ATP5F1C: variants seen among roughly 807,000 people sequenced by gnomAD.
ATP5F1C encodes ATP synthase F1 subunit gamma.
A neutral mutation model predicts 37.4 loss-of-function variants in ATP5F1C; 22 were observed. That is an observed-to-expected ratio of 0.59 (90% CI 0.42 to 0.84). The LOEUF is 0.84. Ranked by LOEUF, ATP5F1C falls within the 40% of genes least tolerant of loss-of-function variation. ATP5F1C has a pLI of 0.00. For missense variants in ATP5F1C, 286 were observed against 362.4 expected (o/e 0.79, Z 1.71); for synonymous variants, 121 against 128.0 (o/e 0.95, Z 0.37).
intron 1 of ATP5F1C, among the ~76,000 whole-genome samples, chr10:7,789,039 G>A (rs544125347): frequency 3.4e-4 from 52 of 152,166 alleles, no homozygotes; most frequent in African/African-American, 1.3e-3. Context: ...GGTGCCACGA[G>A]CCTCGAGAAT....
In ATP5F1C at chr10:7,796,960, C is replaced by CTT. The variant is rs148189409; in HGVS notation, c.92-86_92-85dup. Reference sequence around the variant, plus strand: ...TTTATCTAAGCGCTCATTATTCTGCCTTGCACTTCAGAAAAATATGTCAAT... The same window carrying CTT: ...TTTATCTAAGCGCTCATTATTCTGCCTTTTGCACTTCAGAAAAATATGTCAAT... On this transcript the variant is annotated intron_variant, in intron 2 of 9. Coordinates refer to ENST00000356708, the MANE Select transcript of ATP5F1C (RefSeq NM_001001973.3). 1,003 of 1,431,642 alleles carry CTT rather than the reference C, an allele frequency of 7.0e-4. 8 individuals are homozygous for CTT. In the African/African-American group the frequency reaches 0.013, roughly 18 times the overall value. The allele number at this position is 1,431,642 out of a possible 1,614,324, so 88.7% of individuals were successfully genotyped here. A position where few individuals can be genotyped will look rare whatever the true frequency, so the allele number is the denominator to read the frequency against.
rs1836252277 is a variant in ATP5F1C at position 7,797,044 on chromosome 10, C to T, written c.92-3C>T. ...GTCTTAACACAGTACTTCTATTTTTCAGTCACCAGGAGACTAAAGTCCATC... is the reference window on the plus strand; with the variant it reads ...GTCTTAACACAGTACTTCTATTTTTTAGTCACCAGGAGACTAAAGTCCATC... On this transcript the variant is annotated splice_polypyrimidine_tract_variant and splice_region_variant and intron_variant, in intron 2 of 9. Coordinates refer to ENST00000356708, the MANE Select transcript of ATP5F1C (RefSeq NM_001001973.3). 3.1e-6 allele frequency: 5 copies of T among 1,612,130 alleles called. No homozygotes were observed. The highest frequency in any genetic ancestry group is 1.7e-5 in the Admixed American group (1 of 59,532).
chr10:7,804,180 C>T (rs1836428985), intron 8 of ATP5F1C: 1 of 518,896 alleles, frequency 1.9e-6, no homozygotes, highest in Non-Finnish European at 3.8e-6. Context: ...TAGCGTGTGA[C>T]CCACAGAGTG....
chr10:7,796,289 G>A (rs1489977258), intron 2 of ATP5F1C, 134 bp downstream of exon 2: 6 of 732,380 alleles, frequency 8.2e-6, no homozygotes, highest in Non-Finnish European at 1.3e-5. Context: ...TCCATTGTAT[G>A]TTTGGGACAT....
intron 8 of ATP5F1C, among the ~76,000 whole-genome samples, chr10:7,804,414 G>C (rs1836434197): frequency 6.6e-6 from 1 of 152,164 alleles, no homozygotes; most frequent in Non-Finnish European, 1.5e-5. Context: ...TCTACTTCCA[G>C]ATCTACAGAT....
rs761429190 is a variant in ATP5F1C, at chr10:7,802,293, A to G, written c.661A>G (p.Ile221Val). ...SADSMSIYDD[I>V]DADVLQNYQE... The stretch of plus-strand genomic sequence containing the variant: ...AGACAGCATGAGTATCTATGACGAT[A>G]TTGATGCTGACGTGCTGCAAAATTA... The change falls in exon 7 of 10, where the codon ATT (isoleucine) becomes GTT (valine). Residue 221 changes from isoleucine (I) to valine (V), a missense_variant. Coordinates refer to ENST00000356708, the MANE Select transcript of ATP5F1C (RefSeq NM_001001973.3). 3.1e-6 allele frequency: 5 copies of G among 1,612,930 alleles called. No individual in the cohort carries two copies. Among genetic ancestry groups the G allele is most frequent in the South Asian group, 1.1e-5 (1 of 90,836 alleles).
chr10:7,804,438 T>C (rs1461073746), intron 8 of ATP5F1C, among the ~76,000 whole-genome samples: 1 of 152,212 alleles, frequency 6.6e-6, no homozygotes, highest in Non-Finnish European at 1.5e-5. Context: ...TCACTCTTTC[T>C]CGCGGCCAGG....
chr10:7,807,083 TA>T, intron 9 of ATP5F1C, 73 bp downstream of exon 9: 1 of 1,423,702 alleles, frequency 7.0e-7, no homozygotes, highest in South Asian at 1.2e-5. Context: ...GCTAATTTAG[TA>T]ATCCTAGAAT....
At chr10:7,791,400 A>G (rs377560559) in intron 1 of ATP5F1C, among the ~76,000 whole-genome samples, 11 of 152,216 alleles carry the variant, frequency 7.2e-5, no homozygotes, top group African/African-American at 2.7e-4. Context: ...TACACGCTTA[A>G]TATCAGAATT....
At position 7,807,611 on chromosome 10, in the gene ATP5F1C, C is replaced by CA. The variant is rs751743353; in HGVS notation, c.*31-42dup. Reference sequence around the variant, plus strand: ...TTATTATCTCTTGACATTATTTTCCCAAAAAATGCTGTTTGATTTCTTACT... The same window carrying CA: ...TTATTATCTCTTGACATTATTTTCCCAAAAAAATGCTGTTTGATTTCTTACT... On this transcript the variant is annotated intron_variant, in intron 9 of 9. Transcript: ENST00000356708. 6.9e-6 allele frequency: 11 copies of CA among 1,584,110 alleles called. No homozygotes were observed. The South Asian group carries it at 9.3e-5, about 13-fold the overall frequency.
intron 1 of ATP5F1C, among the ~76,000 whole-genome samples, chr10:7,795,526 A>C (rs1836223942): frequency 6.6e-6 from 1 of 152,242 alleles, no homozygotes; most frequent in Admixed American, 6.5e-5. Flanking sequence ...AATGTTATGT[A>C]AATGTAATTT....
chr10:7,803,003 G>A, intron 8 of ATP5F1C, 149 bp downstream of exon 8: 1 of 604,862 alleles, frequency 1.7e-6, no homozygotes, highest in East Asian at 3.1e-5. Flanking sequence ...CTATAAAGAT[G>A]TGGTAAAAAT....
intron 6 of ATP5F1C, chr10:7,801,696 G>A (rs1329191852): frequency 6.5e-6 from 1 of 153,124 alleles, no homozygotes; most frequent in East Asian, 1.9e-4. Flanking sequence ...ATAGCCTGAA[G>A]GCAATTTTAT....
At chr10:7,802,886 AT>A (rs776543804) in intron 8 of ATP5F1C, 32 bp downstream of exon 8, 15 of 1,588,082 alleles carry the variant, frequency 9.4e-6, no homozygotes, top group African/African-American at 4.1e-5. Flanking sequence ...CCTTCAGAGA[AT>A]TTTTTTTCCT....
chr10:7,797,079 C>T lies in ATP5F1C; in HGVS notation c.124C>T (p.Gln42Ter). Residue 42 changes from glutamine to a stop codon, truncating the protein, a stop_gained, in exon 3 of 10, where the codon CAG becomes TAG. Coordinates refer to ENST00000356708, the MANE Select transcript of ATP5F1C (RefSeq NM_001001973.3). LOFTEE classifies it high-confidence loss of function. ...TRRLKSIKNI[Q>*]KITKSMKMVA... ...GAGACTAAAGTCCATCAAAAACATC[C>T]AGAAAATTACCAAGTCTATGAAAAT... The T allele has an allele frequency of 6.2e-7, 1 of 1,614,056 alleles. No individual in the cohort carries two copies. The highest frequency in any genetic ancestry group is 1.1e-5 in the South Asian group (1 of 91,074).
intron 3 of ATP5F1C, among the ~76,000 whole-genome samples, chr10:7,798,492 T>C (rs748958781): frequency 1.3e-5 from 2 of 152,056 alleles, no homozygotes; most frequent in Non-Finnish European, 1.5e-5. Flanking sequence ...CTGCAAGCTC[T>C]GCCTCCCGGG....
chr10:7,805,591 C>CA lies in ATP5F1C; in HGVS notation c.891-1377dup, dbSNP rs545257585. On this transcript the variant is annotated intron_variant, in intron 8 of 9. Transcript: ENST00000356708. ...TGAAACCCCGTCTCTACTAAAAATA[C>CA]AAAAAATTAGCTGGGCGTGGTGGTG... 3.5e-3 allele frequency among the ~76,000 whole-genome samples: 526 copies of CA among 151,760 alleles called. 5 individuals carry two copies. The highest frequency in any genetic ancestry group is 0.012 in the African/African-American group (493 of 41,406).
chr10:7,807,402 C>T (rs191274113), intron 9 of ATP5F1C, among the ~76,000 whole-genome samples: 84 of 152,172 alleles, frequency 5.5e-4, no homozygotes, highest in Non-Finnish European at 4.3e-4. Flanking sequence ...ATCATGTGGC[C>T]TCTGGAAAAC....
chr10:7,791,457 T>C (rs566012342), intron 1 of ATP5F1C, among the ~76,000 whole-genome samples: 1 of 152,358 alleles, frequency 6.6e-6, no homozygotes, highest in East Asian at 1.9e-4. Context: ...TATTGCTTGC[T>C]TTTTAAGTTT....
Sources: allele counts gnomAD v4.1 joint callset (sites outside exome capture counted in the v4.1 genomes callset), GRCh38; gene constraint gnomAD v4.1.1; transcripts MANE v1.5; gene names NCBI Gene and HGNC (gene_info 2026-07-23, HGNC 2026-07-21).